Variants in ELL observed in about 807,000 individuals in gnomAD.
The protein encoded by ELL is RNA polymerase II elongation factor ELL.
ELL carries 18 observed loss-of-function variants against 64.0 expected under a neutral mutation model. The observed-to-expected ratio is 0.28, with a 90% CI of 0.19 to 0.42. The LOEUF (loss-of-function observed/expected upper bound fraction) is 0.42. Among genes scored for constraint, ELL ranks in the 10% least tolerant of loss-of-function variants. The probability of loss-of-function intolerance (pLI) is 1.00; values close to 1 mark genes in which losing one functional copy is unlikely to be tolerated. For synonymous variants in ELL, 399 were observed against 376.2 expected, an observed-to-expected ratio of 1.06 and a Z score of -0.70; for missense variants, 797 against 870.4, an observed-to-expected ratio of 0.92 and a Z score of 1.06.
chr19:18,472,729 G>T, intron 2 of ELL, 106 bp downstream of exon 2: 2 of 1,381,414 alleles, frequency 1.4e-6, no homozygotes, highest in Non-Finnish European at 2.0e-6. Flanking sequence ...GGCAGACAGG[G>T]CCCAAACACT....
chr19:18,514,513 C>CAAAAAA (rs557236460), intron 1 of ELL, among the ~76,000 whole-genome samples: 2 of 39,222 alleles, frequency 5.1e-5, no homozygotes, highest in East Asian at 7.4e-4. Context: ...GACTCCATCT[C>CAAAAAA]AAAAAAAAAA....
intron 1 of ELL, among the ~76,000 whole-genome samples, chr19:18,512,536 G>A (rs987379861): frequency 2.0e-5 from 3 of 152,158 alleles, no homozygotes; most frequent in African/African-American, 7.2e-5. Flanking sequence ...CTATTTAGGA[G>A]GCTGAGGTGG....
intron 2 of ELL, among the ~76,000 whole-genome samples, chr19:18,472,153 G>A (rs921400986): frequency 2.6e-5 from 4 of 152,110 alleles, no homozygotes; most frequent in East Asian, 1.9e-4. Context: ...GTAGAGACGC[G>A]TTTCTCTACG....
intron 1 of ELL, among the ~76,000 whole-genome samples, chr19:18,518,325 C>A (rs1007332217): frequency 1.3e-5 from 2 of 149,242 alleles, no homozygotes; most frequent in African/African-American, 5.0e-5. Context: ...CATAGTGAGA[C>A]CCCGTCTCTA....
chr19:18,470,478 C>T (rs933263984), intron 2 of ELL, among the ~76,000 whole-genome samples: 2 of 152,198 alleles, frequency 1.3e-5, no homozygotes, highest in Non-Finnish European at 2.9e-5. Context: ...CCCGCCCCTG[C>T]CCCCAACCTC....
At chr19:18,490,457 C>T (rs1409372687) in intron 1 of ELL, among the ~76,000 whole-genome samples, 1 of 152,206 alleles carries the variant, frequency 6.6e-6, no homozygotes, top group Non-Finnish European at 1.5e-5. Context: ...TTGTCCTCCC[C>T]GCAGCGGGAG....
chr19:18,520,112 T>G (rs1331612148), intron 1 of ELL, among the ~76,000 whole-genome samples: 6 of 152,050 alleles, frequency 3.9e-5, no homozygotes, highest in Admixed American at 1.3e-4. Context: ...AAAATAGCAG[T>G]GTGACAGCAT....
At chr19:18,512,665 TA>T (rs1443294112) in intron 1 of ELL, among the ~76,000 whole-genome samples, 1 of 152,206 alleles carries the variant, frequency 6.6e-6, no homozygotes, top group Non-Finnish European at 1.5e-5. Context: ...GAAGCTATTT[TA>T]AATTTTGGAG....
At chr19:18,521,715 T>C (rs1976283434) in intron 1 of ELL, among the ~76,000 whole-genome samples, 1 of 151,874 alleles carries the variant, frequency 6.6e-6, no homozygotes, top group Non-Finnish European at 1.5e-5. Context: ...GCCACCCGCC[T>C]GTATTGCCTC....
chr19:18,478,648 G>C (rs188167188), intron 1 of ELL, among the ~76,000 whole-genome samples: 36 of 152,366 alleles, frequency 2.4e-4, no homozygotes, highest in Admixed American at 2.2e-3. Context: ...CAGCTGGCCT[G>C]ACACAGTCAG....
intron 6 of ELL, among the ~76,000 whole-genome samples, chr19:18,454,202 A>G (rs1974602648): frequency 6.6e-6 from 1 of 152,216 alleles, no homozygotes. Context: ...GTTATTCTTT[A>G]AAAAACATCC....
intron 4 of ELL, among the ~76,000 whole-genome samples, chr19:18,463,847 G>A (rs886262213): frequency 6.6e-6 from 1 of 152,064 alleles, no homozygotes; most frequent in African/African-American, 2.4e-5. Context: ...TTAGCCGGGC[G>A]TGGTGGCAGG....
intron 5 of ELL, among the ~76,000 whole-genome samples, chr19:18,459,526 T>TAACAGTTGAG (rs1230110716): frequency 6.6e-6 from 1 of 151,696 alleles, no homozygotes; most frequent in Admixed American, 6.6e-5. Flanking sequence ...GGAGCATTTT[T>TAACAGTTGAG]TTTTTTTTTT....
rs1283243549 is a variant in ELL at position 18,470,889 on chromosome 19, C to T, written c.183+1946G>A. The T allele has an allele frequency of 1.8e-5, 8 of 453,558 alleles. No homozygotes were observed. The East Asian group carries it at 5.6e-4, about 32-fold the overall frequency. The allele number at this position is 453,558 out of a possible 1,614,324, so 28.1% of individuals were successfully genotyped here. A position where few individuals can be genotyped will look rare whatever the true frequency, so the allele number is the denominator to read the frequency against. ...CTCCCCAGCCCACAGTCGTCTGAGC[C>T]CACTGCTTGCAATGCATCTTTTTAT... On this transcript the variant is annotated intron_variant, in intron 2 of 11. Transcript: ENST00000262809.
At chr19:18,454,120 G>A (rs901268333) in intron 6 of ELL, among the ~76,000 whole-genome samples, 8 of 152,152 alleles carry the variant, frequency 5.3e-5, no homozygotes, top group East Asian at 1.9e-4. Context: ...TATTATGAAC[G>A]TACAAAATGT....
At chr19:18,476,680 C>T (rs1975184427) in intron 1 of ELL, among the ~76,000 whole-genome samples, 1 of 152,192 alleles carries the variant, frequency 6.6e-6, no homozygotes, top group African/African-American at 2.4e-5. Context: ...TCTATGATGC[C>T]AGGAGGGCTA....
rs1974729156 is a variant in ELL at position 18,458,420 on chromosome 19, G to A, written c.745-91C>T. ...GATCTGATAGTGGGTTTGGGAGGGT[G>A]TGCAGAGACAGTGGGAGACAGACAG... On this transcript the variant is annotated intron_variant, in intron 5 of 11. Coordinates refer to ENST00000262809, the MANE Select transcript of ELL (RefSeq NM_006532.4). 5.8e-6 allele frequency: 9 copies of A among 1,539,442 alleles called. No individual in the cohort carries two copies. In the South Asian group the frequency reaches 7.3e-5, roughly 12 times the overall value.
chr19:18,452,306 T>G (rs1460063372), intron 6 of ELL, among the ~76,000 whole-genome samples: 1 of 152,056 alleles, frequency 6.6e-6, no homozygotes, highest in Admixed American at 6.6e-5. Flanking sequence ...CAGAGAGACT[T>G]AAGTCCAGGG....
At chr19:18,517,542 C>T (rs967466495) in intron 1 of ELL, among the ~76,000 whole-genome samples, 8 of 152,008 alleles carry the variant, frequency 5.3e-5, no homozygotes, top group East Asian at 1.9e-4. Context: ...TGAGCCACCA[C>T]GCCCGGCCAT....
Sources: allele counts gnomAD v4.1 joint callset (sites outside exome capture counted in the v4.1 genomes callset), GRCh38; gene constraint gnomAD v4.1.1; transcripts MANE v1.5; gene names NCBI Gene and HGNC (gene_info 2026-07-23, HGNC 2026-07-21).